The following RIC1 variants were observed in gnomAD, a reference collection of about 807,000 sequenced individuals.
The protein encoded by RIC1 is guanine nucleotide exchange factor subunit RIC1.
In RIC1, 88 loss-of-function variants were observed where a neutral mutation model predicts 169.0. The observed-to-expected ratio is 0.52, with a 90% CI of 0.44 to 0.62. RIC1 has a LOEUF of 0.62. Among genes scored for constraint, RIC1 ranks in the 20% least tolerant of loss-of-function variants. The pLI is 0.00. For synonymous variants in RIC1, 790 were observed against 601.5 expected, an observed-to-expected ratio of 1.31 and a Z score of -4.59; for missense variants, 1,877 against 1,725.5, an observed-to-expected ratio of 1.09 and a Z score of -1.56.
intron 7 of RIC1, among the ~76,000 whole-genome samples, chr9:5,733,887 C>T (rs940378576): frequency 2.0e-5 from 3 of 151,382 alleles, no homozygotes; most frequent in African/African-American, 7.3e-5. Flanking sequence ...ATGAGAATCC[C>T]TCCCTTCTTT....
chr9:5,641,924 C>G (rs1385972013), intron 1 of RIC1, among the ~76,000 whole-genome samples: 1 of 144,128 alleles, frequency 6.9e-6, no homozygotes, highest in Non-Finnish European at 1.5e-5. Context: ...TTGGTCCCTG[C>G]CTTACTTAGT....
chr9:5,742,009 A>G (rs1176975252), intron 8 of RIC1, among the ~76,000 whole-genome samples: 1 of 152,192 alleles, frequency 6.6e-6, no homozygotes, highest in African/African-American at 2.4e-5. Flanking sequence ...TTTGAACCAC[A>G]TTAAATTGCA....
At chr9:5,671,490 G>T (rs577691295) in intron 2 of RIC1, among the ~76,000 whole-genome samples, 2 of 151,566 alleles carry the variant, frequency 1.3e-5, no homozygotes. Flanking sequence ...TGGCCAGGCT[G>T]GTCTCTAACT....
chr9:5,692,213 T>A (rs952657224), intron 3 of RIC1, among the ~76,000 whole-genome samples: 2 of 152,112 alleles, frequency 1.3e-5, no homozygotes, highest in African/African-American at 4.8e-5. Context: ...TGGTGTCAGA[T>A]AGACCTGAAA....
Position 5,765,399 on chromosome 9 carries a change from G to C in RIC1, c.2842-15G>C. On this transcript the variant is annotated splice_polypyrimidine_tract_variant and intron_variant, in intron 19 of 25. Transcript: ENST00000414202. Reference sequence around the variant, plus strand: ...TGTAGTATAAAAAGAATGCTGTCCTGGTTGTTTTTTGTAGAATATGGAAGT... The same window carrying C: ...TGTAGTATAAAAAGAATGCTGTCCTCGTTGTTTTTTGTAGAATATGGAAGT... The C allele has an allele frequency of 6.2e-7, 1 of 1,607,388 alleles. No homozygotes were observed. Among genetic ancestry groups the C allele is most frequent in the South Asian group, 1.1e-5 (1 of 89,778 alleles).
chr9:5,681,149 GTC>G (rs932502680), intron 2 of RIC1, among the ~76,000 whole-genome samples: 1 of 151,852 alleles, frequency 6.6e-6, no homozygotes, highest in Non-Finnish European at 1.5e-5. Flanking sequence ...GTTTTTTTGT[GTC>G]TCTATTTCCT....
At chr9:5,727,009 G>T (rs1824036699) in intron 6 of RIC1, among the ~76,000 whole-genome samples, 1 of 152,088 alleles carries the variant, frequency 6.6e-6, no homozygotes, top group Non-Finnish European at 1.5e-5. Context: ...TTTCAACTTT[G>T]GTGAGTCTGA....
intron 1 of RIC1, among the ~76,000 whole-genome samples, chr9:5,645,579 A>G (rs996530983): frequency 6.6e-6 from 1 of 152,142 alleles, no homozygotes; most frequent in African/African-American, 2.4e-5. Context: ...CAGTCCCTGG[A>G]AACTACTATT....
At chr9:5,672,753 G>A (rs937567980) in intron 2 of RIC1, among the ~76,000 whole-genome samples, 6 of 151,988 alleles carry the variant, frequency 3.9e-5, no homozygotes, top group African/African-American at 1.2e-4. Context: ...TGTGGAAAAA[G>A]TTTAATGAAA....
At chr9:5,660,947 A>G (rs181032000) in intron 2 of RIC1, among the ~76,000 whole-genome samples, 2 of 152,100 alleles carry the variant, frequency 1.3e-5, no homozygotes, top group East Asian at 1.9e-4. Context: ...CCCAAATGGT[A>G]TTGTCTAGAT....
chr9:5,630,180 C>G (rs1817651686), intron 1 of RIC1, among the ~76,000 whole-genome samples: 1 of 152,152 alleles, frequency 6.6e-6, no homozygotes, highest in Non-Finnish European at 1.5e-5. Flanking sequence ...TCTGTTTTTG[C>G]TTTAAGTCCT....
At chr9:5,670,937 G>T (rs138365334) in intron 2 of RIC1, among the ~76,000 whole-genome samples, 1 of 152,294 alleles carries the variant, frequency 6.6e-6, no homozygotes, top group Non-Finnish European at 1.5e-5. Flanking sequence ...GTCCACTTCT[G>T]AGTAGGACCA....
At chr9:5,767,165 A>T (rs1486853200) in intron 21 of RIC1, among the ~76,000 whole-genome samples, 13 of 152,212 alleles carry the variant, frequency 8.5e-5, no homozygotes, top group Admixed American at 6.5e-5. Flanking sequence ...TAAAGTCGTA[A>T]TTTTACCTTT....
intron 13 of RIC1, 37 bp downstream of exon 13, chr9:5,753,275 C>T: frequency 2.5e-6 from 4 of 1,590,226 alleles, no homozygotes; most frequent in Non-Finnish European, 3.5e-6. Flanking sequence ...CTTTTGTTGA[C>T]TAGCATTTGC....
chr9:5,763,893 G>A lies in RIC1; in HGVS notation c.2841+25G>A. The A allele has an allele frequency of 6.3e-7, 1 of 1,581,258 alleles. No homozygotes were observed. The highest frequency in any genetic ancestry group is 8.6e-7 in the Non-Finnish European group (1 of 1,161,318). On this transcript the variant is annotated intron_variant, in intron 19 of 25. Coordinates refer to ENST00000414202, the MANE Select transcript of RIC1 (RefSeq NM_020829.4). The surrounding 1 kb of genome is among the most constrained non-coding windows in gnomAD (Gnocchi z 5.2). Reference sequence around the variant, plus strand: ...GGTAACAATTCTCTTCTTATAAAGGGGCAAGAATTAATGAGCTTAAACTTA... The same window carrying A: ...GGTAACAATTCTCTTCTTATAAAGGAGCAAGAATTAATGAGCTTAAACTTA...
chr9:5,755,137 A>G (rs1046597425), intron 15 of RIC1, among the ~76,000 whole-genome samples: 4 of 152,180 alleles, frequency 2.6e-5, no homozygotes, highest in Non-Finnish European at 4.4e-5. Context: ...TTTTAAGATA[A>G]CCTTTTCTAA....
At chr9:5,633,877 C>CT (rs1817843227) in intron 1 of RIC1, among the ~76,000 whole-genome samples, 1 of 152,122 alleles carries the variant, frequency 6.6e-6, no homozygotes, top group South Asian at 2.1e-4. Flanking sequence ...AAATTTGTAC[C>CT]TTTGACTGAA....
At chr9:5,758,678 A>G (rs1826150618) in intron 17 of RIC1, among the ~76,000 whole-genome samples, 1 of 133,770 alleles carries the variant, frequency 7.5e-6, no homozygotes, top group Admixed American at 7.3e-5. Context: ...CAACTATTTC[A>G]TTGGATGTTT....
At chr9:5,737,047 CTTATA>C (rs1233689491) in intron 7 of RIC1, among the ~76,000 whole-genome samples, 1 of 151,138 alleles carries the variant, frequency 6.6e-6, no homozygotes, top group African/African-American at 2.4e-5. Context: ...CAAAAGCATT[CTTATA>C]TTAAAAAGTG....
Sources: gnomAD v4.1 joint callset for allele counts (sites outside exome capture counted in the v4.1 genomes callset) on GRCh38, gnomAD v4.1.1 for gene constraint, Gnocchi (gnomAD v3.1) non-coding constraint, MANE v1.5 for transcripts, NCBI Gene and HGNC (gene_info 2026-07-23, HGNC 2026-07-21) for gene names.